Variants in VWA8 observed in about 807,000 individuals in gnomAD.
VWA8 encodes the protein von Willebrand factor A domain containing 8.
In VWA8, 221 loss-of-function variants were observed where a neutral mutation model predicts 241.5. The ratio of observed to expected loss-of-function variants is 0.91; its 90% confidence interval spans 0.82 to 1.02. VWA8 has a LOEUF of 1.02. Ranked by LOEUF, VWA8 falls within the 50% of genes least tolerant of loss-of-function variation. The probability of loss-of-function intolerance (pLI) is 0.00; values close to 1 mark genes in which losing one functional copy is unlikely to be tolerated. For missense variants in VWA8, 2,322 were observed against 2,328.7 expected, an observed-to-expected ratio of 1.00 and a Z score of 0.06; for synonymous variants, 852 against 827.1, an observed-to-expected ratio of 1.03 and a Z score of -0.52.
At chr13:41,717,558 C>T (rs1355322210) in intron 26 of VWA8, among the ~76,000 whole-genome samples, 2 of 151,956 alleles carry the variant, frequency 1.3e-5, no homozygotes, top group Non-Finnish European at 2.9e-5. Context: ...TGTCATCCTA[C>T]TCTCTCTAAG....
At chr13:41,900,254 AT>A (rs1230497880) in intron 4 of VWA8, among the ~76,000 whole-genome samples, 6 of 152,182 alleles carry the variant, frequency 3.9e-5, no homozygotes, top group African/African-American at 1.4e-4. Flanking sequence ...TTGTAGTATA[AT>A]TTTTTTGAAA....
chr13:41,868,038 A>C (rs987671855), intron 10 of VWA8, among the ~76,000 whole-genome samples: 1 of 152,214 alleles, frequency 6.6e-6, no homozygotes, highest in Non-Finnish European at 1.5e-5. Flanking sequence ...TCTCTGTAGC[A>C]GCTCAAATGT....
intron 9 of VWA8, among the ~76,000 whole-genome samples, chr13:41,881,371 CCGGGGGGGGGG>C (rs1350358865): frequency 1.8e-4 from 2 of 10,984 alleles, no homozygotes; most frequent in East Asian, 0.02. Flanking sequence ...TTTTTTTTTG[CCGGGGGGGGGG>C]GGGGGGGGGT....
intron 2 of VWA8, among the ~76,000 whole-genome samples, chr13:41,929,055 T>C (rs1285025602): frequency 6.6e-6 from 1 of 150,954 alleles, no homozygotes; most frequent in African/African-American, 2.4e-5. Context: ...GAAAAAACAA[T>C]CCTAAAATAT....
At chr13:41,686,613 G>A (rs577045054) in intron 34 of VWA8, among the ~76,000 whole-genome samples, 2 of 151,740 alleles carry the variant, frequency 1.3e-5, no homozygotes, top group Admixed American at 1.3e-4. Context: ...TAACTACATG[G>A]TTCATTCTAG....
chr13:41,614,583 GGTC>G (rs1217221074), intron 38 of VWA8, among the ~76,000 whole-genome samples: 1 of 152,186 alleles, frequency 6.6e-6, no homozygotes, highest in African/African-American at 2.4e-5. Context: ...ATGATCCCAA[GGTC>G]ATGGAATTTA....
chr13:41,885,934 C>T lies in VWA8; in HGVS notation c.961G>A (p.Ala321Thr). Reference protein sequence around the residue: ...PDFPLDSLAAAVQILDSFPMM... With the variant: ...PDFPLDSLAATVQILDSFPMM... ...ATTTTACTTACCAAGATTTGAACCG[C>T]AGCTGCTAAACTATCTAAAGGAAAG... Residue 321 changes from alanine to threonine, a missense_variant, in exon 8 of 45, where the codon GCG (alanine) becomes ACG (threonine). Physicochemically the swap from Ala to Thr is moderately conservative, Grantham distance 58. Transcript: ENST00000379310. The T allele has an allele frequency of 1.3e-6, 2 of 1,584,994 alleles. No homozygotes were observed. Among genetic ancestry groups the T allele is most frequent in the Non-Finnish European group, 1.7e-6 (2 of 1,171,862 alleles).
intron 12 of VWA8, among the ~76,000 whole-genome samples, chr13:41,857,020 T>G (rs1566483268): frequency 3.3e-5 from 5 of 152,154 alleles, no homozygotes. Flanking sequence ...TATACTACTG[T>G]GTATTTGAGA....
chr13:41,696,808 C>G lies in VWA8; in HGVS notation c.3564+2263G>C, dbSNP rs968996044. On this transcript the variant is annotated intron_variant, in intron 29 of 44. Transcript: ENST00000379310. The stretch of plus-strand genomic sequence containing the variant: ...ATCTATCTACTCTATTGGTCACTCA[C>G]TTTCAAACTCATTTTCAAATCATTG... Among the ~76,000 whole-genome samples the G allele has an allele frequency of 2.0e-5, 3 of 152,364 alleles. No individual in the cohort carries two copies. The East Asian group carries it at 5.8e-4, about 29-fold the overall frequency.
intron 21 of VWA8, among the ~76,000 whole-genome samples, chr13:41,758,852 T>C (rs1420655974): frequency 6.6e-6 from 1 of 151,390 alleles, no homozygotes; most frequent in East Asian, 1.9e-4. Flanking sequence ...ATATTTGTAA[T>C]TTATGTGATA....
intron 9 of VWA8, among the ~76,000 whole-genome samples, chr13:41,870,556 T>C (rs779960493): frequency 5.9e-5 from 9 of 151,670 alleles, no homozygotes; most frequent in Admixed American, 2.0e-4. Flanking sequence ...GGAGAATCGC[T>C]TGAACCCAGG....
At chr13:41,587,360 C>G (rs1053758880) in intron 42 of VWA8, 152 bp downstream of exon 42, 49 of 952,508 alleles carry the variant, frequency 5.1e-5, no homozygotes, top group Non-Finnish European at 7.3e-5. Flanking sequence ...ACAATTACTA[C>G]TTCAGATAAA....
At chr13:41,839,008 A>G (rs1285376451) in intron 12 of VWA8, among the ~76,000 whole-genome samples, 1 of 152,194 alleles carries the variant, frequency 6.6e-6, no homozygotes, top group African/African-American at 2.4e-5. Flanking sequence ...TTGGTTATAT[A>G]CTGAGTAATG....
intron 37 of VWA8, among the ~76,000 whole-genome samples, chr13:41,655,361 T>C (rs2044896810): frequency 6.6e-6 from 1 of 152,276 alleles, no homozygotes. Flanking sequence ...AGTGCTGGAA[T>C]TACAGGCGTG....
In VWA8 at chr13:41,724,311, T is replaced by C. The variant is rs1013589739; in HGVS notation, c.2759-2736A>G. On this transcript the variant is annotated intron_variant, in intron 24 of 44. Coordinates refer to ENST00000379310, the MANE Select transcript of VWA8 (RefSeq NM_015058.2). ...GAGTACAAATGACTGTGAGGAATTT[T>C]GTTACAAAGGAGAAGAAAAAAGTAG... Among the ~76,000 whole-genome samples, 8 of 152,168 alleles carry C rather than the reference T, an allele frequency of 5.3e-5. No homozygotes were observed. In the South Asian group the frequency reaches 1.7e-3, roughly 32 times the overall value.
intron 2 of VWA8, among the ~76,000 whole-genome samples, chr13:41,916,401 C>A (rs2138119530): frequency 1.3e-5 from 2 of 152,366 alleles, no homozygotes; most frequent in South Asian, 4.1e-4. Flanking sequence ...ACTTTCCCTA[C>A]AAGTGTGGAC....
intron 36 of VWA8, among the ~76,000 whole-genome samples, chr13:41,673,296 T>G (rs1369151068): frequency 6.6e-6 from 1 of 152,252 alleles, no homozygotes; most frequent in African/African-American, 2.4e-5. Context: ...AGTTTTATTG[T>G]ATTTTCTATT....
chr13:41,774,248 T>A (rs1175877886), intron 20 of VWA8, among the ~76,000 whole-genome samples: 1 of 152,206 alleles, frequency 6.6e-6, no homozygotes, highest in Non-Finnish European at 1.5e-5. Context: ...CAAGCGATTC[T>A]CCTGTCTCAG....
chr13:41,841,654 C>T (rs1169870489), intron 12 of VWA8, among the ~76,000 whole-genome samples: 3 of 148,424 alleles, frequency 2.0e-5, no homozygotes, highest in South Asian at 2.1e-4. Flanking sequence ...GGTGTGGTGG[C>T]GGGCGCCTGT....
Sources: gnomAD v4.1 joint callset for allele counts (sites outside exome capture counted in the v4.1 genomes callset) on GRCh38, gnomAD v4.1.1 for gene constraint, MANE v1.5 for transcripts, NCBI Gene and HGNC (gene_info 2026-07-23, HGNC 2026-07-21) for gene names.